IL1RAPL1: variants seen among roughly 807,000 people sequenced by gnomAD.
IL1RAPL1 encodes interleukin 1 receptor accessory protein like 1.
Under a neutral mutation model 48.4 loss-of-function variants are expected in IL1RAPL1, and 3 were observed. The observed-to-expected ratio is 0.06, with a 90% confidence interval of 0.03 to 0.16. IL1RAPL1 has a LOEUF of 0.16. Among genes scored for constraint, IL1RAPL1 ranks in the 10% least tolerant of loss-of-function variants. IL1RAPL1 has a pLI of 1.00. For synonymous variants in IL1RAPL1, 185 were observed against 187.7 expected, an observed-to-expected ratio of 0.99 and a Z score of 0.12; for missense variants, 349 against 530.6, an observed-to-expected ratio of 0.66 and a Z score of 3.36.
chrX:29,359,913 A>G (rs1933354259), intron 3 of IL1RAPL1, among the ~76,000 whole-genome samples: 2 of 111,043 alleles, frequency 1.8e-5, no homozygotes, highest in African/African-American at 6.6e-5. Flanking sequence ...ATTTCTAGGT[A>G]GCCATGTTAT....
At chrX:29,640,993 C>T (rs953901580) in intron 5 of IL1RAPL1, among the ~76,000 whole-genome samples, 1 of 98,408 alleles carries the variant, frequency 1.0e-5, no homozygotes. Flanking sequence ...AGTGAGAACC[C>T]CATCTCTTAA....
chrX:29,291,558 C>T (rs188972882), intron 3 of IL1RAPL1, among the ~76,000 whole-genome samples: 110 of 110,169 alleles, frequency 1.0e-3, no homozygotes, highest in Non-Finnish European at 1.9e-4. Flanking sequence ...CTCCCCTAGC[C>T]CCACACCCCC....
intron 2 of IL1RAPL1, among the ~76,000 whole-genome samples, chrX:28,798,078 C>T (rs1282710800): frequency 2.7e-5 from 3 of 111,396 alleles, no homozygotes; most frequent in African/African-American, 9.8e-5. Flanking sequence ...GAAAGACCCA[C>T]CCCCATAATT....
chrX:28,620,332 C>T (rs1446781020), intron 1 of IL1RAPL1, among the ~76,000 whole-genome samples: 2 of 111,909 alleles, frequency 1.8e-5, no homozygotes, highest in African/African-American at 6.5e-5. Flanking sequence ...ATGTCAATAT[C>T]TCACATGGGA....
At chrX:28,768,303 C>T (rs1419385462) in intron 1 of IL1RAPL1, among the ~76,000 whole-genome samples, 2 of 110,763 alleles carry the variant, frequency 1.8e-5, no homozygotes, top group Non-Finnish European at 3.8e-5. Flanking sequence ...ATAAACACAT[C>T]TGCTGCTTGG....
intron 2 of IL1RAPL1, among the ~76,000 whole-genome samples, chrX:28,919,622 A>G (rs909079449): frequency 2.7e-5 from 3 of 112,026 alleles, no homozygotes; most frequent in African/African-American, 9.7e-5. Context: ...TCATCTGGAA[A>G]TAGGCATAAT....
At chrX:28,865,740 C>T (rs1296479076) in intron 2 of IL1RAPL1, among the ~76,000 whole-genome samples, 2 of 111,808 alleles carry the variant, frequency 1.8e-5, no homozygotes, top group Non-Finnish European at 3.8e-5. Context: ...AAGACCAAGA[C>T]GTGCAAAGCA....
intron 2 of IL1RAPL1, among the ~76,000 whole-genome samples, chrX:29,173,982 A>G (rs1408588510): frequency 9.1e-6 from 1 of 110,140 alleles, no homozygotes; most frequent in Non-Finnish European, 1.9e-5. Flanking sequence ...GTGCAATGGA[A>G]CGATCTCGGC....
At chrX:29,034,924 G>A (rs985942952) in intron 2 of IL1RAPL1, among the ~76,000 whole-genome samples, 2 of 107,110 alleles carry the variant, frequency 1.9e-5, no homozygotes, top group African/African-American at 6.8e-5. Context: ...GCGGGATCTC[G>A]CCTCACTGCA....
intron 5 of IL1RAPL1, among the ~76,000 whole-genome samples, chrX:29,512,387 T>C (rs1156509319): frequency 8.9e-6 from 1 of 111,761 alleles, no homozygotes; most frequent in Non-Finnish European, 1.9e-5. Flanking sequence ...ATATTATTAC[T>C]TCGTTCTAAA....
intron 2 of IL1RAPL1, among the ~76,000 whole-genome samples, chrX:28,980,259 C>A (rs939537872): frequency 8.9e-6 from 1 of 112,380 alleles, no homozygotes; most frequent in African/African-American, 3.2e-5. Flanking sequence ...TCTGCCATCC[C>A]AGTTTTCTCA....
At chrX:29,340,190 A>G (rs905947589) in intron 3 of IL1RAPL1, among the ~76,000 whole-genome samples, 2 of 112,048 alleles carry the variant, frequency 1.8e-5, no homozygotes, top group African/African-American at 6.5e-5. Context: ...TTTGTATAAC[A>G]TAAAATCAGT....
intron 2 of IL1RAPL1, among the ~76,000 whole-genome samples, chrX:29,088,579 G>C (rs1409045291): frequency 9.5e-6 from 1 of 105,070 alleles, no homozygotes; most frequent in Non-Finnish European, 1.9e-5. Flanking sequence ...GGGAGGCTGA[G>C]CCAGGAGAAT....
intron 6 of IL1RAPL1, among the ~76,000 whole-genome samples, chrX:29,861,380 A>G (rs914208246): frequency 3.6e-5 from 4 of 111,481 alleles, no homozygotes; most frequent in Non-Finnish European, 7.5e-5. Flanking sequence ...ATTTTAATAA[A>G]CTTCCCAGGC....
chrX:29,167,111 A>G (rs1817129433), intron 2 of IL1RAPL1, among the ~76,000 whole-genome samples: 1 of 111,712 alleles, frequency 9.0e-6, no homozygotes, highest in Non-Finnish European at 1.9e-5. Flanking sequence ...TTCTTTGTTC[A>G]CTTCCTCCAT....
chrX:28,737,114 T>A, intron 1 of IL1RAPL1, among the ~76,000 whole-genome samples: 1 of 36,337 alleles, frequency 2.8e-5, no homozygotes, highest in South Asian at 1.5e-3. Flanking sequence ...TTTCTCTTCT[T>A]TTCCTTCCTT....
intron 9 of IL1RAPL1, 36 bp downstream of exon 9, chrX:29,941,830 G>A: frequency 1.7e-6 from 2 of 1,179,267 alleles, no homozygotes; most frequent in South Asian, 1.8e-5. Flanking sequence ...CTTTCTGAAT[G>A]TTCTAATTTC....
intron 1 of IL1RAPL1, among the ~76,000 whole-genome samples, chrX:28,685,760 C>A (rs1397124847): frequency 1.8e-5 from 2 of 111,803 alleles, no homozygotes; most frequent in East Asian, 5.6e-4. Flanking sequence ...TGACTCTAAG[C>A]AGGAATCTTT....
At chrX:28,656,508 T>TCCCCATCCTTGTCATAAAG (rs371025139) in intron 1 of IL1RAPL1, among the ~76,000 whole-genome samples, 1 of 110,951 alleles carries the variant, frequency 9.0e-6, no homozygotes, top group East Asian at 2.9e-4. Context: ...TTTCTTTCTG[T>TCCCCATCCTTGTCATAAAG]CCCCATCCTT....
Sources: gnomAD v4.1 joint callset for allele counts (sites outside exome capture counted in the v4.1 genomes callset) on GRCh38, gnomAD v4.1.1 for gene constraint, MANE v1.5 for transcripts, NCBI Gene and HGNC (gene_info 2026-07-23, HGNC 2026-07-21) for gene names.